CAMKMT: variants seen among roughly 807,000 people sequenced by gnomAD.
The protein encoded by CAMKMT is calmodulin-lysine N-methyltransferase, also known as CaM KMT.
In CAMKMT, 53 loss-of-function variants were observed where a neutral mutation model predicts 48.0. The observed-to-expected ratio is 1.10, with a 90% CI of 0.89 to 1.39. The LOEUF is 1.39. CAMKMT is among the 40% of genes most tolerant of loss of function. The pLI, the probability that CAMKMT is intolerant of heterozygous loss-of-function variation, is 0.00. For synonymous variants in CAMKMT, 165 were observed against 152.3 expected (o/e 1.08, Z -0.61); for missense variants, 428 against 402.7 (o/e 1.06, Z -0.54).
chr2:44,701,140 T>C (rs1172896884), intron 3 of CAMKMT, among the ~76,000 whole-genome samples: 4 of 152,230 alleles, frequency 2.6e-5, no homozygotes, highest in African/African-American at 9.6e-5. Context: ...TTGATTTATC[T>C]TGGGTAGCAG....
At chr2:44,406,913 AT>A (rs1392549971) in intron 3 of CAMKMT, among the ~76,000 whole-genome samples, 15 of 152,074 alleles carry the variant, frequency 9.9e-5, no homozygotes, top group Non-Finnish European at 1.9e-4. Flanking sequence ...CAGCCAAATT[AT>A]TTTTTTATAT....
chr2:44,520,359 C>T (rs948539118), intron 3 of CAMKMT, among the ~76,000 whole-genome samples: 25 of 152,116 alleles, frequency 1.6e-4, no homozygotes, highest in Non-Finnish European at 2.6e-4. Flanking sequence ...CCTCCCGATC[C>T]GCCTGCCGTG....
chr2:44,369,775 TAG>T (rs1678972496), intron 1 of CAMKMT: 1 of 152,210 alleles, frequency 6.6e-6, no homozygotes, highest in African/African-American at 2.4e-5. Context: ...TCCATTAAAT[TAG>T]AGAGTCAACA....
intron 3 of CAMKMT, among the ~76,000 whole-genome samples, chr2:44,404,134 G>A (rs1279405438): frequency 6.6e-6 from 1 of 151,994 alleles, no homozygotes; most frequent in African/African-American, 2.4e-5. Context: ...ACAGTGCCTG[G>A]CATATAATGA....
intron 3 of CAMKMT, among the ~76,000 whole-genome samples, chr2:44,586,716 G>A (rs936645468): frequency 2.6e-5 from 4 of 152,176 alleles, no homozygotes; most frequent in African/African-American, 9.7e-5. Flanking sequence ...ATCCATTGAT[G>A]GACATTTGGG....
intron 3 of CAMKMT, among the ~76,000 whole-genome samples, chr2:44,441,541 C>T (rs1386252865): frequency 6.6e-6 from 1 of 152,094 alleles, no homozygotes; most frequent in Non-Finnish European, 1.5e-5. Context: ...TATAAAAAGA[C>T]TGCGCTATCT....
chr2:44,581,797 G>A (rs1482595209), intron 3 of CAMKMT, among the ~76,000 whole-genome samples: 13 of 151,946 alleles, frequency 8.6e-5, no homozygotes, highest in Admixed American at 8.5e-4. Flanking sequence ...TCAGGAGTTC[G>A]AGACCAGCCT....
intron 3 of CAMKMT, among the ~76,000 whole-genome samples, chr2:44,472,232 G>A (rs1572595759): frequency 6.6e-6 from 1 of 152,078 alleles, no homozygotes; most frequent in East Asian, 1.9e-4. Flanking sequence ...CACCACACCT[G>A]GCTAATTTTT....
At chr2:44,645,694 G>A (rs1673693659) in intron 3 of CAMKMT, among the ~76,000 whole-genome samples, 1 of 152,088 alleles carries the variant, frequency 6.6e-6, no homozygotes, top group South Asian at 2.1e-4. Flanking sequence ...GGTGGCAGGT[G>A]CCTGTAATCC....
At chr2:44,371,112 T>A (rs1484937855) in intron 1 of CAMKMT, among the ~76,000 whole-genome samples, 4 of 151,938 alleles carry the variant, frequency 2.6e-5, no homozygotes, top group African/African-American at 9.7e-5. Context: ...AGCCTCCCCA[T>A]CAGCTGGGAT....
chr2:44,697,666 T>C lies in CAMKMT; in HGVS notation c.377-6617T>C, dbSNP rs1000202037. On this transcript the variant is annotated intron_variant, in intron 3 of 10. Transcript: ENST00000378494. ...AATAAAATCAACTGGGGAGTGATCT[T>C]ACCAAAATTTTAACATTATAACTAT... Among the ~76,000 whole-genome samples, 6 of 152,166 alleles carry C rather than the reference T, an allele frequency of 3.9e-5. No homozygotes were observed. The South Asian group carries it at 1.2e-3, about 32-fold the overall frequency.
intron 3 of CAMKMT, among the ~76,000 whole-genome samples, chr2:44,570,111 T>C (rs542097452): frequency 8.2e-4 from 125 of 152,258 alleles, no homozygotes; most frequent in African/African-American, 2.9e-3. Context: ...TAACAGAAAA[T>C]ATCCATCTTA....
At chr2:44,487,529 G>C (rs574904366) in intron 3 of CAMKMT, among the ~76,000 whole-genome samples, 3 of 152,124 alleles carry the variant, frequency 2.0e-5, no homozygotes, top group African/African-American at 7.2e-5. Context: ...TTTGACATTG[G>C]ATTCATAAGG....
At chr2:44,451,031 G>C (rs190840550) in intron 3 of CAMKMT, among the ~76,000 whole-genome samples, 117 of 152,198 alleles carry the variant, frequency 7.7e-4, no homozygotes, top group African/African-American at 2.7e-3. Flanking sequence ...GTTCATCTGA[G>C]AAAATGAAAG....
At chr2:44,697,899 G>A (rs1163789528) in intron 3 of CAMKMT, among the ~76,000 whole-genome samples, 1 of 152,118 alleles carries the variant, frequency 6.6e-6, no homozygotes, top group Non-Finnish European at 1.5e-5. Flanking sequence ...TACCAGAAGA[G>A]TTAGCTAAAA....
At chr2:44,771,526 T>C (rs1490376252) in intron 10 of CAMKMT, among the ~76,000 whole-genome samples, 1 of 152,070 alleles carries the variant, frequency 6.6e-6, no homozygotes, top group African/African-American at 2.4e-5. Flanking sequence ...AATTTTTGAG[T>C]GACTTATTAT....
rs1670768454 is a variant in CAMKMT at position 44,515,069 on chromosome 2, C to T, written c.376+124764C>T. On this transcript the variant is annotated intron_variant, in intron 3 of 10. Coordinates refer to ENST00000378494, the MANE Select transcript of CAMKMT (RefSeq NM_024766.5). ...ACCTGATATACTTTTGTGTCTTAAT[C>T]TCTATGTTTTAACTCTAAGGGGTGG... Among the ~76,000 whole-genome samples the T allele has an allele frequency of 2.0e-5, 3 of 152,308 alleles. No homozygotes were observed. In the South Asian group the frequency reaches 6.2e-4, roughly 32 times the overall value.
At chr2:44,567,384 G>T (rs771111871) in intron 3 of CAMKMT, among the ~76,000 whole-genome samples, 6 of 152,130 alleles carry the variant, frequency 3.9e-5, no homozygotes, top group Non-Finnish European at 8.8e-5. Context: ...TGTTGAGCAG[G>T]AATACTCATA....
chr2:44,398,434 G>A (rs1682052803), intron 3 of CAMKMT, among the ~76,000 whole-genome samples: 1 of 152,160 alleles, frequency 6.6e-6, no homozygotes, highest in Admixed American at 6.5e-5. Context: ...GTTTCTGCAA[G>A]GTAGTTGACA....
Sources: allele counts gnomAD v4.1 joint callset (sites outside exome capture counted in the v4.1 genomes callset), GRCh38; gene constraint gnomAD v4.1.1; transcripts MANE v1.5; gene names NCBI Gene and HGNC (gene_info 2026-07-23, HGNC 2026-07-21).